The following SPDYE10 variants were observed in gnomAD, a reference collection of about 807,000 sequenced individuals.
The protein encoded by SPDYE10 is speedy protein E10.
At chr7:73,117,029 G>A in the SPDYE10 span, among the ~76,000 whole-genome samples, 6 of 151,914 alleles carry the variant, frequency 3.9e-5, no homozygotes, top group African/African-American at 1.5e-4. Context: ...CCAAGTAGCT[G>A]AGAGTACAGG....
chr7:73,145,045 A>G, the SPDYE10 span, among the ~76,000 whole-genome samples: 1 of 128,602 alleles, frequency 7.8e-6, no homozygotes, highest in Non-Finnish European at 1.6e-5. Context: ...GAGTTAATAT[A>G]ATGTCATGTC....
chr7:73,134,565 G>GAAAGAAAGAAAGAAAGAAAGAAAGAAAGA, the SPDYE10 span, among the ~76,000 whole-genome samples: 1 of 152,024 alleles, frequency 6.6e-6, no homozygotes, highest in African/African-American at 2.4e-5. Context: ...AAGAAAGAAA[G>GAAAGAAAGAAAGAAAGAAAGAAAGAAAGA]AAACCGTGCA....
the SPDYE10 span, among the ~76,000 whole-genome samples, chr7:73,123,668 G>A: frequency 6.6e-6 from 1 of 152,110 alleles, no homozygotes; most frequent in African/African-American, 2.4e-5. Context: ...ATGTTGGCCA[G>A]GCTGGTTTTG....
chr7:73,134,733 G>T, the SPDYE10 span, among the ~76,000 whole-genome samples: 1 of 152,240 alleles, frequency 6.6e-6, no homozygotes, highest in Non-Finnish European at 1.5e-5. Flanking sequence ...TTGGTGGCAT[G>T]CACCTGTATT....
At chr7:73,152,139 C>T in the SPDYE10 span, among the ~76,000 whole-genome samples, 8 of 142,348 alleles carry the variant, frequency 5.6e-5, no homozygotes, top group Non-Finnish European at 1.1e-4. Context: ...CTCAGCCTCC[C>T]AAGTAGCTGG....
the SPDYE10 span, among the ~76,000 whole-genome samples, chr7:73,137,483 C>CTGCA: frequency 1.4e-5 from 2 of 147,664 alleles, no homozygotes; most frequent in Non-Finnish European, 3.0e-5. Context: ...GATCGTGCTG[C>CTGCA]TGCACTCCAG....
chr7:73,155,119 C>CGA, the SPDYE10 span: 1 of 138,960 alleles, frequency 7.2e-6, no homozygotes, highest in Non-Finnish European at 1.6e-5. Context: ...CGCCCGGCGC[C>CGA]GAGCTCCCGG....
chr7:73,135,178 C>T, the SPDYE10 span, among the ~76,000 whole-genome samples: 1 of 152,100 alleles, frequency 6.6e-6, no homozygotes, highest in East Asian at 1.9e-4. Flanking sequence ...TGCACCTTTC[C>T]TCCTAACCTC....
At chr7:73,137,944 G>A in the SPDYE10 span, among the ~76,000 whole-genome samples, 1 of 142,894 alleles carries the variant, frequency 7.0e-6, no homozygotes, top group East Asian at 2.1e-4. Flanking sequence ...GAAGGGGAAG[G>A]GAAGGGGAAG....
the SPDYE10 span, among the ~76,000 whole-genome samples, chr7:73,135,805 G>A: frequency 2.9e-5 from 2 of 69,220 alleles, no homozygotes; most frequent in South Asian, 6.3e-4. Context: ...TCCTGACTTC[G>A]TGATCCCCCC....
At chr7:73,127,860 A>C in the SPDYE10 span, among the ~76,000 whole-genome samples, 3 of 132,888 alleles carry the variant, frequency 2.3e-5, no homozygotes, top group African/African-American at 8.9e-5. Context: ...GGAGATTCTG[A>C]CACATGCTGG....
At chr7:73,128,264 C>T in the SPDYE10 span, among the ~76,000 whole-genome samples, 1 of 140,878 alleles carries the variant, frequency 7.1e-6, no homozygotes. Flanking sequence ...CAGTTATATA[C>T]AATGTTTATG....
chr7:73,117,063 T>C, the SPDYE10 span, among the ~76,000 whole-genome samples: 117 of 147,100 alleles, frequency 8.0e-4, no homozygotes, highest in South Asian at 2.4e-3. Context: ...CTCGACTAAT[T>C]TTTGGGTTTT....
At chr7:73,149,649 G>C in the SPDYE10 span, among the ~76,000 whole-genome samples, 2 of 151,844 alleles carry the variant, frequency 1.3e-5, no homozygotes, top group Non-Finnish European at 1.5e-5. Flanking sequence ...GTTTCACCTG[G>C]GCTCATGTGT....
chr7:73,107,636 C>G, the SPDYE10 span, among the ~76,000 whole-genome samples: 1 of 79,994 alleles, frequency 1.3e-5, no homozygotes, highest in Non-Finnish European at 2.6e-5. Flanking sequence ...AAAAAAAAAG[C>G]AATTGAATAC....
chr7:73,132,578 A>G, the SPDYE10 span, among the ~76,000 whole-genome samples: 2 of 138,222 alleles, frequency 1.4e-5, no homozygotes, highest in African/African-American at 5.4e-5. Context: ...AGATCTGAGG[A>G]CCATTGACAA....
At chr7:73,123,794 T>C in the SPDYE10 span, among the ~76,000 whole-genome samples, 67 of 145,762 alleles carry the variant, frequency 4.6e-4, no homozygotes, top group African/African-American at 1.6e-3. Flanking sequence ...TCTCCCTCTC[T>C]CTCTCTCTCT....
chr7:73,127,614 G>A, the SPDYE10 span, among the ~76,000 whole-genome samples: 1 of 89,990 alleles, frequency 1.1e-5, no homozygotes, highest in African/African-American at 3.9e-5. Context: ...AGGGGAAGGG[G>A]AAGGGAATGG....
At chr7:73,114,902 AT>A in the SPDYE10 span, among the ~76,000 whole-genome samples, 21,227 of 93,060 alleles carry the variant, frequency 0.23, 231 homozygotes, top group East Asian at 0.47. Flanking sequence ...GGGTCATCTG[AT>A]TTTTTTTTTT....
Sources: allele counts gnomAD v4.1 joint callset (sites outside exome capture counted in the v4.1 genomes callset), GRCh38; gene constraint gnomAD v4.1.1; transcripts MANE v1.5; gene names NCBI Gene and HGNC (gene_info 2026-07-23, HGNC 2026-07-21).